The following CLMP variants were observed in gnomAD, a reference collection of about 807,000 sequenced individuals.
CLMP encodes CXADR-like membrane protein.
In CLMP, 27 loss-of-function variants were observed where a neutral mutation model predicts 45.2. The ratio of observed to expected loss-of-function variants is 0.60; its 90% confidence interval spans 0.44 to 0.82. The LOEUF (loss-of-function observed/expected upper bound fraction) is 0.82, where lower values mean the gene tolerates loss of function less well. Ranked by LOEUF, CLMP falls within the 40% of genes least tolerant of loss-of-function variation. The probability of loss-of-function intolerance (pLI) is 0.00; values close to 1 mark genes in which losing one functional copy is unlikely to be tolerated. For missense variants in CLMP, 403 were observed against 448.4 expected (o/e 0.90, Z 0.91); for synonymous variants, 167 against 171.4 (o/e 0.97, Z 0.20).
At chr11:123,155,759 G>C (rs1470289331) in intron 1 of CLMP, among the ~76,000 whole-genome samples, 1 of 152,132 alleles carries the variant, frequency 6.6e-6, no homozygotes, top group African/African-American at 2.4e-5. Flanking sequence ...ACTGAGCTTT[G>C]TAACCAGTAG....
At chr11:123,106,945 G>A (rs1860568180) in intron 1 of CLMP, among the ~76,000 whole-genome samples, 4 of 151,446 alleles carry the variant, frequency 2.6e-5, no homozygotes, top group South Asian at 4.2e-4. Context: ...GTGTGAACCC[G>A]GGAGGCGGAG....
chr11:123,144,141 C>T (rs551465401), intron 1 of CLMP, among the ~76,000 whole-genome samples: 109 of 137,508 alleles, frequency 7.9e-4, no homozygotes, highest in Non-Finnish European at 1.3e-3. Flanking sequence ...GCAGAGGATC[C>T]TGCTGAGCCA....
At chr11:123,084,000 C>A (rs1865834814) in intron 3 of CLMP, among the ~76,000 whole-genome samples, 153 bp from the exon 4 acceptor site, 1 of 152,196 alleles carries the variant, frequency 6.6e-6, no homozygotes, top group Non-Finnish European at 1.5e-5. Context: ...CTTTACACTA[C>A]CCCCACCAAA....
At chr11:123,090,028 G>A (rs1312086310) in intron 2 of CLMP, among the ~76,000 whole-genome samples, 1 of 151,066 alleles carries the variant, frequency 6.6e-6, no homozygotes, top group Non-Finnish European at 1.5e-5. Context: ...GGCGGAGGTT[G>A]CAGTGATCCA....
chr11:123,119,448 G>A (rs532445077), intron 1 of CLMP, among the ~76,000 whole-genome samples: 1 of 152,242 alleles, frequency 6.6e-6, no homozygotes, highest in Admixed American at 6.5e-5. Context: ...TAGACCTGGT[G>A]TGCTTACAGG....
chr11:123,090,724 A>G (rs1044799674), intron 2 of CLMP, among the ~76,000 whole-genome samples: 3 of 152,172 alleles, frequency 2.0e-5, no homozygotes, highest in Admixed American at 2.0e-4. Context: ...AAAGAATACT[A>G]ATCATTCTGT....
intron 1 of CLMP, among the ~76,000 whole-genome samples, chr11:123,144,450 C>A (rs894312338): frequency 7.9e-5 from 12 of 152,224 alleles, no homozygotes; most frequent in African/African-American, 2.7e-4. Flanking sequence ...CGGCTCACTG[C>A]AACCTCCGCC....
At chr11:123,148,233 G>A (rs573620528) in intron 1 of CLMP, among the ~76,000 whole-genome samples, 23 of 152,314 alleles carry the variant, frequency 1.5e-4, no homozygotes, top group African/African-American at 4.8e-4. Flanking sequence ...CTTTTAAGTG[G>A]CTTTCAAAGC....
At chr11:123,107,744 T>C (rs1428696321) in intron 1 of CLMP, among the ~76,000 whole-genome samples, 1 of 152,064 alleles carries the variant, frequency 6.6e-6, no homozygotes, top group East Asian at 1.9e-4. Flanking sequence ...TTGGAAGTCA[T>C]TTTGCTTCAT....
At chr11:123,140,192 GT>G (rs1591474417) in intron 1 of CLMP, among the ~76,000 whole-genome samples, 1 of 152,230 alleles carries the variant, frequency 6.6e-6, no homozygotes, top group Non-Finnish European at 1.5e-5. Flanking sequence ...TGTTGATGGG[GT>G]TGGCTAAAGC....
intron 1 of CLMP, among the ~76,000 whole-genome samples, chr11:123,119,040 T>TCTCTCTCA: frequency 2.1e-5 from 1 of 46,962 alleles, no homozygotes; most frequent in Middle Eastern, 9.4e-3. Flanking sequence ...TCTCTCTCTC[T>TCTCTCTCA]CTCTCCCTCT....
At chr11:123,194,888 C>T in intron 1 of CLMP, 25 bp downstream of exon 1, 2 of 1,613,396 alleles carry the variant, frequency 1.2e-6, no homozygotes, top group Non-Finnish European at 1.7e-6. Flanking sequence ...GCCATCCAAA[C>T]TCCCGCCCTC....
At chr11:123,118,981 CTTTCTTTCTT>C (rs1565387845) in intron 1 of CLMP, among the ~76,000 whole-genome samples, 15 of 50,280 alleles carry the variant, frequency 3.0e-4, no homozygotes, top group East Asian at 1.7e-3. Context: ...TTCTTTCTTT[CTTTCTTTCTT>C]TCTTTCTTTC....
intron 1 of CLMP, among the ~76,000 whole-genome samples, chr11:123,111,113 C>T (rs1041527288): frequency 7.2e-5 from 11 of 151,776 alleles, no homozygotes; most frequent in East Asian, 1.9e-4. Context: ...CATCAGTGAG[C>T]GCTTACACAA....
chr11:123,092,632 C>T (rs1169076350), intron 2 of CLMP, among the ~76,000 whole-genome samples: 3 of 150,620 alleles, frequency 2.0e-5, no homozygotes, highest in Non-Finnish European at 4.4e-5. Flanking sequence ...GAGACTCTCT[C>T]TTTTGCCCAG....
chr11:123,105,823 G>GT (rs71057331), intron 1 of CLMP, among the ~76,000 whole-genome samples: 13,110 of 136,846 alleles, frequency 0.096, 746 homozygotes, highest in African/African-American at 0.17. Context: ...TTTGTTTTTT[G>GT]TTTTTTTTTT....
intron 1 of CLMP, among the ~76,000 whole-genome samples, chr11:123,120,242 GA>G (rs1208972683): frequency 6.6e-6 from 1 of 152,120 alleles, no homozygotes; most frequent in Non-Finnish European, 1.5e-5. Context: ...GCAACACAGT[GA>G]GACCCCATCT....
chr11:123,132,250 G>C (rs574609009), intron 1 of CLMP, among the ~76,000 whole-genome samples: 4 of 152,238 alleles, frequency 2.6e-5, no homozygotes, highest in East Asian at 1.9e-4. Context: ...CAGGGCACAC[G>C]GCCGGTGAGT....
chr11:123,170,791 A>G (rs1284188478), intron 1 of CLMP, among the ~76,000 whole-genome samples: 1 of 152,116 alleles, frequency 6.6e-6, no homozygotes, highest in Non-Finnish European at 1.5e-5. Flanking sequence ...GCTCGTTGTC[A>G]TCCTATAAAG....
Sources: allele counts gnomAD v4.1 joint callset (sites outside exome capture counted in the v4.1 genomes callset), GRCh38; gene constraint gnomAD v4.1.1; transcripts MANE v1.5; gene names NCBI Gene and HGNC (gene_info 2026-07-23, HGNC 2026-07-21).